Variants in KIAA1328 observed in about 807,000 individuals in gnomAD.
KIAA1328 encodes the protein KIAA1328, also known as protein hinderin.
A neutral mutation model predicts 68.1 loss-of-function variants in KIAA1328; 52 were observed. The observed-to-expected ratio is 0.76, with a 90% confidence interval of 0.61 to 0.96. The LOEUF is 0.96. Among genes scored for constraint, KIAA1328 ranks in the 40% least tolerant of loss-of-function variants. The pLI is 0.00. For synonymous variants in KIAA1328, 232 were observed against 239.4 expected, an observed-to-expected ratio of 0.97 and a Z score of 0.28; for missense variants, 641 against 677.6, an observed-to-expected ratio of 0.95 and a Z score of 0.60.
chr18:36,992,451 CTTTT>C (rs71168252), intron 6 of KIAA1328, among the ~76,000 whole-genome samples: 12 of 130,110 alleles, frequency 9.2e-5, no homozygotes, highest in African/African-American at 3.4e-4. Context: ...TCTTTTCTTT[CTTTT>C]TTTTTTTTTT....
At chr18:37,190,382 G>A (rs1357753868) in intron 9 of KIAA1328, among the ~76,000 whole-genome samples, 1 of 152,050 alleles carries the variant, frequency 6.6e-6, no homozygotes, top group East Asian at 1.9e-4. Flanking sequence ...CTGTATTTTC[G>A]AGGTGAGAAA....
At chr18:37,008,629 A>G (rs965956425) in intron 6 of KIAA1328, among the ~76,000 whole-genome samples, 2 of 152,242 alleles carry the variant, frequency 1.3e-5, no homozygotes, top group African/African-American at 4.8e-5. Flanking sequence ...AGCAGCTATT[A>G]TAGCAGTTAT....
intron 6 of KIAA1328, among the ~76,000 whole-genome samples, chr18:36,968,480 C>G (rs2052035205): frequency 6.6e-6 from 1 of 151,970 alleles, no homozygotes; most frequent in South Asian, 2.1e-4. Context: ...TAATATCAGA[C>G]AAAACAGACT....
intron 5 of KIAA1328, among the ~76,000 whole-genome samples, chr18:36,904,483 T>G (rs764621370): frequency 6.6e-6 from 1 of 152,136 alleles, no homozygotes; most frequent in Non-Finnish European, 1.5e-5. Context: ...ATTACCTTGT[T>G]TATTCCTGGT....
chr18:37,015,137 G>A (rs745760168), intron 6 of KIAA1328, among the ~76,000 whole-genome samples: 12 of 152,026 alleles, frequency 7.9e-5, no homozygotes, highest in Middle Eastern at 3.4e-3. Context: ...TCCTGACCTC[G>A]TGATCCACCC....
chr18:37,020,467 G>T (rs1159919358), intron 6 of KIAA1328, among the ~76,000 whole-genome samples: 1 of 152,184 alleles, frequency 6.6e-6, no homozygotes, highest in East Asian at 1.9e-4. Context: ...CTTCTCTCAT[G>T]CAAAATTAAC....
intron 7 of KIAA1328, among the ~76,000 whole-genome samples, chr18:37,153,648 T>C (rs1333074981): frequency 1.4e-4 from 20 of 147,830 alleles, no homozygotes; most frequent in Non-Finnish European, 2.4e-4. Context: ...TTTTTTTTTT[T>C]TCCCAATACA....
In KIAA1328 at chr18:37,130,342, G is replaced by A. The variant is rs138930235; in HGVS notation, c.1233-29858G>A. ...AAAAGAAATGTTAGCCTAGTCTGCC[G>A]GGCACGGTGGCTCACGCCTGTAATC... On this transcript the variant is annotated intron_variant, in intron 7 of 9. Coordinates refer to ENST00000280020, the MANE Select transcript of KIAA1328 (RefSeq NM_020776.3). Among the ~76,000 whole-genome samples the A allele has an allele frequency of 1.3e-3, 194 of 152,126 alleles. 1 individual carries two copies. The highest frequency in any genetic ancestry group is 4.0e-3 in the African/African-American group (168 of 41,506).
intron 6 of KIAA1328, among the ~76,000 whole-genome samples, chr18:37,011,760 A>G (rs1232512063): frequency 1.3e-5 from 2 of 152,268 alleles, no homozygotes; most frequent in East Asian, 3.9e-4. Flanking sequence ...ACATCCCAGA[A>G]AAGGAAAACT....
chr18:36,894,473 C>T (rs1293941936), intron 5 of KIAA1328, among the ~76,000 whole-genome samples: 2 of 152,102 alleles, frequency 1.3e-5, no homozygotes, highest in Admixed American at 1.3e-4. Context: ...TTCCAACTGT[C>T]GTTTGAAAGA....
chr18:36,931,665 T>G (rs908096277), intron 5 of KIAA1328, among the ~76,000 whole-genome samples: 1 of 152,042 alleles, frequency 6.6e-6, no homozygotes, highest in African/African-American at 2.4e-5. Context: ...TTTCAATTTT[T>G]TATTCATTTT....
At chr18:36,990,320 T>C (rs1235557057) in intron 6 of KIAA1328, among the ~76,000 whole-genome samples, 1 of 152,144 alleles carries the variant, frequency 6.6e-6, no homozygotes, top group East Asian at 1.9e-4. Context: ...TTTTAGTGTA[T>C]GGACATATTA....
At chr18:37,024,779 G>A (rs1361094386) in intron 6 of KIAA1328, among the ~76,000 whole-genome samples, 2 of 152,070 alleles carry the variant, frequency 1.3e-5, no homozygotes, top group Non-Finnish European at 2.9e-5. Context: ...GTCTATCATT[G>A]TTGGACATTT....
chr18:36,897,509 A>T (rs1335014368), intron 5 of KIAA1328, among the ~76,000 whole-genome samples: 1 of 152,122 alleles, frequency 6.6e-6, no homozygotes, highest in Admixed American at 6.6e-5. Context: ...AGAGAGAGAG[A>T]TAAAACCAAC....
At chr18:36,924,415 A>G (rs940378574) in intron 5 of KIAA1328, among the ~76,000 whole-genome samples, 16 of 152,060 alleles carry the variant, frequency 1.1e-4, no homozygotes, top group African/African-American at 3.6e-4. Context: ...GGAAAAAAAG[A>G]TAGGAGGATT....
At chr18:36,914,739 A>G (rs1400755006) in intron 5 of KIAA1328, among the ~76,000 whole-genome samples, 1 of 152,122 alleles carries the variant, frequency 6.6e-6, no homozygotes, top group Non-Finnish European at 1.5e-5. Context: ...GTTAGATAAA[A>G]AAATATATAT....
chr18:36,886,571 A>AT (rs1306817196), intron 5 of KIAA1328, among the ~76,000 whole-genome samples: 3 of 149,656 alleles, frequency 2.0e-5, no homozygotes, highest in Non-Finnish European at 4.5e-5. Context: ...GTAAAAACAT[A>AT]TTTTAGGGGT....
At chr18:37,228,573 C>T (rs969880279), downstream of KIAA1328, among the ~76,000 whole-genome samples, 6 of 152,184 alleles carry the variant, frequency 3.9e-5, no homozygotes, top group Non-Finnish European at 7.3e-5. Flanking sequence ...TAATCCCACA[C>T]TTTGTGAGTC....
intron 6 of KIAA1328, among the ~76,000 whole-genome samples, chr18:37,019,850 G>A (rs2054279897): frequency 6.6e-6 from 1 of 152,204 alleles, no homozygotes; most frequent in South Asian, 2.1e-4. Flanking sequence ...AAGGTAAGGT[G>A]GCTCAGGCTG....
Sources: allele counts gnomAD v4.1 joint callset (sites outside exome capture counted in the v4.1 genomes callset), GRCh38; gene constraint gnomAD v4.1.1; transcripts MANE v1.5; gene names NCBI Gene and HGNC (gene_info 2026-07-23, HGNC 2026-07-21).